Variants in C1orf185 observed in about 807,000 individuals in gnomAD.
The protein encoded by C1orf185 is uncharacterized protein C1orf185.
C1orf185 carries 13 observed loss-of-function variants against 16.1 expected under a neutral mutation model. The ratio of observed to expected loss-of-function variants is 0.81; its 90% CI spans 0.53 to 1.28. The LOEUF (loss-of-function observed/expected upper bound fraction) is 1.28, where lower values mean the gene tolerates loss of function less well. C1orf185 is among the 50% of genes most tolerant of loss of function. The pLI is 0.00. For missense variants in C1orf185, 220 were observed against 225.2 expected, an observed-to-expected ratio of 0.98 and a Z score of 0.15; for synonymous variants, 80 against 76.9, an observed-to-expected ratio of 1.04 and a Z score of -0.21.
intron 3 of C1orf185, among the ~76,000 whole-genome samples, chr1:51,141,597 C>G (rs1387455796): frequency 1.3e-5 from 2 of 152,126 alleles, no homozygotes; most frequent in Non-Finnish European, 2.9e-5. Flanking sequence ...AGAGGTGTCC[C>G]AAAAGCCTAG....
At chr1:51,108,305 T>A (rs72692274) in intron 1 of C1orf185, among the ~76,000 whole-genome samples, 5,336 of 152,260 alleles carry the variant, frequency 0.035, 144 homozygotes, top group African/African-American at 0.068. Context: ...TGGTTTTTTT[T>A]AATTGACGTA....
chr1:51,106,459 G>A (rs1175597326), intron 1 of C1orf185, among the ~76,000 whole-genome samples: 1 of 151,856 alleles, frequency 6.6e-6, no homozygotes, highest in African/African-American at 2.4e-5. Flanking sequence ...TGGCAAAAAA[G>A]TGAGACTCTG....
intron 3 of C1orf185, among the ~76,000 whole-genome samples, chr1:51,143,568 T>C (rs1312356322): frequency 6.6e-6 from 1 of 152,244 alleles, no homozygotes; most frequent in Non-Finnish European, 1.5e-5. Context: ...ATATGTAGCA[T>C]CATTTTTAAC....
intron 3 of C1orf185, among the ~76,000 whole-genome samples, chr1:51,125,881 G>A (rs760768984): frequency 2.0e-5 from 3 of 152,182 alleles, no homozygotes; most frequent in African/African-American, 4.8e-5. Context: ...ACAGGAGCTA[G>A]GTGCGGTGGC....
At chr1:51,138,187 G>A (rs1199531360) in intron 3 of C1orf185, among the ~76,000 whole-genome samples, 1 of 151,928 alleles carries the variant, frequency 6.6e-6, no homozygotes, top group Non-Finnish European at 1.5e-5. Context: ...ACCTGCACAT[G>A]TACTCCTGAA....
chr1:51,143,139 A>G (rs1646377066), intron 3 of C1orf185, among the ~76,000 whole-genome samples: 1 of 151,922 alleles, frequency 6.6e-6, no homozygotes. Context: ...TTTTTGCCAC[A>G]CTGTATTATT....
chr1:51,103,817 G>A (rs1235418755), intron 1 of C1orf185, among the ~76,000 whole-genome samples: 3 of 152,014 alleles, frequency 2.0e-5, no homozygotes, highest in Admixed American at 1.3e-4. Context: ...TTACAGGCAT[G>A]AGCCACTGCA....
At chr1:51,123,670 A>G (rs1051797705) in intron 3 of C1orf185, among the ~76,000 whole-genome samples, 4 of 152,092 alleles carry the variant, frequency 2.6e-5, no homozygotes, top group African/African-American at 4.8e-5. Flanking sequence ...TCTCACCAGC[A>G]TTTGTTGTTG....
chr1:51,134,440 A>C (rs1433643439), intron 3 of C1orf185, among the ~76,000 whole-genome samples: 1 of 152,184 alleles, frequency 6.6e-6, no homozygotes, highest in Admixed American at 6.5e-5. Flanking sequence ...CTGGAGAACC[A>C]AGAGCAAACA....
At chr1:51,116,534 G>A (rs571530306) in intron 2 of C1orf185, among the ~76,000 whole-genome samples, 47 of 152,066 alleles carry the variant, frequency 3.1e-4, no homozygotes, top group African/African-American at 1.1e-3. Context: ...GGTTGATCTC[G>A]AACTCCTGAT....
chr1:51,142,466 T>C (rs749775384), intron 3 of C1orf185, among the ~76,000 whole-genome samples: 5 of 152,356 alleles, frequency 3.3e-5, no homozygotes, highest in South Asian at 2.1e-4. Context: ...CAATTGCATA[T>C]AGAATTGGTG....
intron 1 of C1orf185, among the ~76,000 whole-genome samples, chr1:51,111,249 G>A (rs535981775): frequency 2.0e-5 from 3 of 151,430 alleles, no homozygotes; most frequent in East Asian, 1.9e-4. Context: ...CTTTTCTTTC[G>A]TGGACCTCAA....
intron 3 of C1orf185, among the ~76,000 whole-genome samples, chr1:51,144,495 T>G (rs1363509892): frequency 6.6e-6 from 1 of 152,130 alleles, no homozygotes; most frequent in Non-Finnish European, 1.5e-5. Flanking sequence ...GAGGATCACT[T>G]GAGCCCAGGA....
intron 1 of C1orf185, 98 bp from the exon 2 acceptor site, chr1:51,112,366 C>A: frequency 1.0e-6 from 1 of 953,480 alleles, no homozygotes; most frequent in South Asian, 1.8e-5. Flanking sequence ...AATGTCTTAA[C>A]ACTACAACAT....
chr1:51,145,219 C>T (rs919737456), intron 3 of C1orf185, among the ~76,000 whole-genome samples: 4 of 152,140 alleles, frequency 2.6e-5, no homozygotes, highest in Admixed American at 1.3e-4. Context: ...ACAGGAAGAT[C>T]GCTTGAGCCC....
intron 2 of C1orf185, among the ~76,000 whole-genome samples, chr1:51,118,231 T>C (rs182852241): frequency 2.6e-5 from 4 of 152,348 alleles, no homozygotes; most frequent in Admixed American, 2.0e-4. Context: ...TCTTACTTTT[T>C]GCCAGAAATA....
chr1:51,112,098 C>T (rs948111861), intron 1 of C1orf185, among the ~76,000 whole-genome samples: 11 of 151,186 alleles, frequency 7.3e-5, no homozygotes, highest in Non-Finnish European at 1.6e-4. Context: ...CTTAAAAAGT[C>T]TTATGTTGGA....
chr1:51,125,264 A>G (rs143840100), intron 3 of C1orf185, among the ~76,000 whole-genome samples: 596 of 152,332 alleles, frequency 3.9e-3, no homozygotes, highest in Non-Finnish European at 6.9e-3. Context: ...CTATTTATGC[A>G]TTTGTGAAAT....
At chr1:51,119,686 G>A (rs1468365209) in intron 3 of C1orf185, among the ~76,000 whole-genome samples, 1 of 152,194 alleles carries the variant, frequency 6.6e-6, no homozygotes, top group Non-Finnish European at 1.5e-5. Flanking sequence ...TGTAGTCCTA[G>A]TTGTTCAGGA....
Sources: gnomAD v4.1 joint callset for allele counts (sites outside exome capture counted in the v4.1 genomes callset) on GRCh38, gnomAD v4.1.1 for gene constraint, MANE v1.5 for transcripts, NCBI Gene and HGNC (gene_info 2026-07-23, HGNC 2026-07-21) for gene names.